The following PCDHGA6 variants were observed in gnomAD, a reference collection of about 807,000 sequenced individuals.
PCDHGA6 encodes protocadherin gamma subfamily A, 6.
In PCDHGA6, 41 loss-of-function variants were observed where a neutral mutation model predicts 60.6. The ratio of observed to expected loss-of-function variants is 0.68; its 90% confidence interval spans 0.53 to 0.88. PCDHGA6 has a LOEUF of 0.88. Ranked by LOEUF, PCDHGA6 falls within the 40% of genes least tolerant of loss-of-function variation. PCDHGA6 has a pLI of 0.00. For synonymous variants in PCDHGA6, 594 were observed against 524.4 expected (o/e 1.13, Z -1.81); for missense variants, 1,312 against 1,203.0 (o/e 1.09, Z -1.34).
intron 1 of PCDHGA6, chr5:141,392,627 G>T: frequency 1.7e-6 from 1 of 584,572 alleles, no homozygotes; most frequent in Non-Finnish European, 2.9e-6. Flanking sequence ...AAAACACTCA[G>T]ATCTCACACC....
At chr5:141,475,902 C>T (rs1296545944) in intron 1 of PCDHGA6, 1 of 576,594 alleles carries the variant, frequency 1.7e-6, no homozygotes, top group Non-Finnish European at 3.0e-6. Context: ...GTGCCGCTGT[C>T]GGCCAATGAA....
At position 141,431,209 on chromosome 5, in the gene PCDHGA6, G is replaced by C; in HGVS notation, c.2424+54702G>C. Reference sequence around the variant, plus strand: ...TTAGTGAAAATGCAGCCACTGAGATGCGGTTCCCTCTACCCCACGCCTGGG... The same window carrying C: ...TTAGTGAAAATGCAGCCACTGAGATCCGGTTCCCTCTACCCCACGCCTGGG... On this transcript the variant is annotated intron_variant, in intron 1 of 3. Coordinates refer to ENST00000517434, the MANE Select transcript of PCDHGA6 (RefSeq NM_018919.3). The surrounding 1 kb of genome is among the most constrained non-coding windows in gnomAD (Gnocchi z 4.8). 6.2e-7 allele frequency: 1 copy of C among 1,614,190 alleles called. No homozygotes were observed. Among genetic ancestry groups the C allele is most frequent in the Non-Finnish European group, 8.5e-7 (1 of 1,180,038 alleles).
At chr5:141,434,536 T>C (rs1037347477) in intron 1 of PCDHGA6, among the ~76,000 whole-genome samples, 7 of 152,186 alleles carry the variant, frequency 4.6e-5, no homozygotes, top group Non-Finnish European at 8.8e-5. Context: ...CCACAAACAA[T>C]AGCATGAGTG....
At chr5:141,410,235 G>T (rs753193390) in intron 1 of PCDHGA6, 1 of 1,613,852 alleles carries the variant, frequency 6.2e-7, no homozygotes, top group Non-Finnish European at 8.5e-7. Context: ...CTCAGCGACC[G>T]CCCTGTACTC....
At chr5:141,408,697 C>T (rs58047392) in intron 1 of PCDHGA6, 227,396 of 1,612,898 alleles carry the variant, frequency 0.14, 18,149 homozygotes, top group African/African-American at 0.31. Context: ...TAAACATAAA[C>T]TCAATTAAAG....
rs2099884159 is a variant in PCDHGA6 at position 141,512,278 on chromosome 5, G to A, written c.*1105G>A. 6.5e-6 allele frequency: 1 copy of A among 152,812 alleles called. No homozygotes were observed. Among genetic ancestry groups the A allele is most frequent in the Non-Finnish European group, 1.5e-5 (1 of 68,170 alleles). 9.5% of individuals were successfully genotyped at this position (152,812 alleles called of 1,614,324 possible). A position where few individuals can be genotyped will look rare whatever the true frequency, so the allele number is the denominator to read the frequency against. ...TGCTGGGTACTCCAGAGGTGCCACT[G>A]GTGGAAGGGTCAGCGGAGCCCCAGC... On this transcript the variant is annotated 3_prime_UTR_variant, in exon 4 of 4. Coordinates refer to ENST00000517434, the MANE Select transcript of PCDHGA6 (RefSeq NM_018919.3).
chr5:141,436,051 A>G (rs2097793554), intron 1 of PCDHGA6, among the ~76,000 whole-genome samples: 1 of 152,194 alleles, frequency 6.6e-6, no homozygotes, highest in Admixed American at 6.5e-5. Flanking sequence ...ATTAGTTTTC[A>G]AATAGAATTT....
intron 1 of PCDHGA6, chr5:141,390,100 C>G: frequency 6.2e-7 from 1 of 1,614,060 alleles, no homozygotes; most frequent in South Asian, 1.1e-5. Context: ...GTGGTTCCCC[C>G]CAACTACAGC....
At chr5:141,413,500 A>C (rs1422297029) in intron 1 of PCDHGA6, 2 of 1,614,034 alleles carry the variant, frequency 1.2e-6, no homozygotes, top group South Asian at 1.1e-5. Flanking sequence ...GTGCGTGGTG[A>C]GTTTTAATAT....
chr5:141,396,347 G>A (rs765584625), intron 1 of PCDHGA6: 21 of 152,416 alleles, frequency 1.4e-4, no homozygotes, highest in Non-Finnish European at 2.5e-4. Context: ...GGCCGGGTGC[G>A]GTGGCTCACG....
intron 1 of PCDHGA6, chr5:141,411,213 CTATT>C (rs1479996814): frequency 1.3e-5 from 2 of 152,186 alleles, no homozygotes; most frequent in African/African-American, 2.4e-5. Context: ...AGTAACCTAT[CTATT>C]CAAATTTGCG....
chr5:141,442,006 G>A (rs540427406), intron 1 of PCDHGA6: 77 of 229,074 alleles, frequency 3.4e-4, no homozygotes, highest in African/African-American at 1.6e-3. Context: ...CTGACAGCTC[G>A]CACGATGGGC....
In PCDHGA6 at chr5:141,487,737, T is replaced by G. The variant is rs1019622307; in HGVS notation, c.2425-7070T>G. 1 of 1,563,758 alleles carries G rather than the reference T, an allele frequency of 6.4e-7. No homozygotes were observed. The highest frequency in any genetic ancestry group is 8.7e-7 in the Non-Finnish European group (1 of 1,152,772). On this transcript the variant is annotated intron_variant, in intron 1 of 3. Transcript: ENST00000517434. This position sits in a 1 kb window ranked among gnomAD's most constrained non-coding sequence, Gnocchi z 5.0. ...GCCCATAGTGATGTCACCATTTTTG[T>G]AAGAGGTAACTATGTGGTAGACGCT...
intron 1 of PCDHGA6, among the ~76,000 whole-genome samples, chr5:141,407,824 G>C (rs2094986699): frequency 6.6e-6 from 1 of 152,190 alleles, no homozygotes; most frequent in South Asian, 2.1e-4. Context: ...TAATATTATG[G>C]TGAGAGCAAA....
intron 1 of PCDHGA6, among the ~76,000 whole-genome samples, chr5:141,449,586 C>T (rs2098645911): frequency 1.6e-5 from 2 of 125,482 alleles, no homozygotes; most frequent in East Asian, 2.3e-4. Context: ...AAGACTCTGT[C>T]TCAAAAAAAA....
At chr5:141,446,079 A>T (rs2098487021) in intron 1 of PCDHGA6, among the ~76,000 whole-genome samples, 1 of 152,234 alleles carries the variant, frequency 6.6e-6, no homozygotes, top group Non-Finnish European at 1.5e-5. Context: ...CAGTGGATGT[A>T]GAAATAAATG....
chr5:141,401,290 C>G (rs1460193254), intron 1 of PCDHGA6, among the ~76,000 whole-genome samples: 1 of 151,710 alleles, frequency 6.6e-6, no homozygotes, highest in South Asian at 2.1e-4. Context: ...TGCGGTGAGC[C>G]GAGATCACTC....
intron 1 of PCDHGA6, chr5:141,419,908 C>T: frequency 1.2e-6 from 2 of 1,613,976 alleles, no homozygotes; most frequent in Non-Finnish European, 1.7e-6. Context: ...CACCCTCTGA[C>T]TCCCAGGCTG....
chr5:141,477,037 G>A lies in PCDHGA6; in HGVS notation c.2425-17770G>A. ...TTGTAACCGGGATGCTGACAATCAAGGGTCGGCTGGACTTCGAGGACACCA... is the reference window on the plus strand; with the variant it reads ...TTGTAACCGGGATGCTGACAATCAAAGGTCGGCTGGACTTCGAGGACACCA... On this transcript the variant is annotated intron_variant, in intron 1 of 3. Coordinates refer to ENST00000517434, the MANE Select transcript of PCDHGA6 (RefSeq NM_018919.3). This position sits in a 1 kb window ranked among gnomAD's most constrained non-coding sequence, Gnocchi z 4.9. 6.2e-7 allele frequency: 1 copy of A among 1,614,266 alleles called. No individual in the cohort carries two copies. The highest frequency in any genetic ancestry group is 8.5e-7 in the Non-Finnish European group (1 of 1,180,052).
Sources: gnomAD v4.1 joint callset for allele counts (sites outside exome capture counted in the v4.1 genomes callset) on GRCh38, gnomAD v4.1.1 for gene constraint, Gnocchi (gnomAD v3.1) non-coding constraint, MANE v1.5 for transcripts, NCBI Gene and HGNC (gene_info 2026-07-23, HGNC 2026-07-21) for gene names.